The following KCNQ3 variants were observed in gnomAD, a reference collection of about 807,000 sequenced individuals.
KCNQ3 encodes potassium voltage-gated channel subfamily KQT member 3.
In KCNQ3, 30 loss-of-function variants were observed where a neutral mutation model predicts 92.5. That is an observed-to-expected ratio of 0.32 (90% CI 0.24 to 0.44). KCNQ3 has a LOEUF of 0.44. KCNQ3 is among the 20% of genes least tolerant of loss of function. The probability of loss-of-function intolerance (pLI) is 1.00; values close to 1 mark genes in which losing one functional copy is unlikely to be tolerated. For synonymous variants in KCNQ3, 450 were observed against 468.8 expected, an observed-to-expected ratio of 0.96 and a Z score of 0.52; for missense variants, 913 against 1,140.3, an observed-to-expected ratio of 0.80 and a Z score of 2.87.
chr8:132,276,211 C>T (rs778691822), intron 1 of KCNQ3, among the ~76,000 whole-genome samples: 14 of 151,984 alleles, frequency 9.2e-5, no homozygotes, highest in Non-Finnish European at 1.3e-4. Context: ...TTTATTGTAC[C>T]CCCAACGCAG....
chr8:132,187,987 A>G (rs1827055551), intron 1 of KCNQ3, among the ~76,000 whole-genome samples: 1 of 144,908 alleles, frequency 6.9e-6, no homozygotes. Context: ...AACTGTTACT[A>G]CAACCTCCAA....
At chr8:132,357,088 C>A (rs370816054) in intron 1 of KCNQ3, among the ~76,000 whole-genome samples, 1 of 152,122 alleles carries the variant, frequency 6.6e-6, no homozygotes, top group Non-Finnish European at 1.5e-5. Context: ...CAGGGAGGAC[C>A]AAAAACATCT....
intron 1 of KCNQ3, among the ~76,000 whole-genome samples, chr8:132,383,230 G>T (rs2130758134): frequency 6.6e-6 from 1 of 152,356 alleles, no homozygotes; most frequent in South Asian, 2.1e-4. Context: ...GAAGGCACAG[G>T]TTACAGAGGA....
chr8:132,148,232 A>C (rs951390230), intron 9 of KCNQ3, among the ~76,000 whole-genome samples: 1 of 152,100 alleles, frequency 6.6e-6, no homozygotes, highest in African/African-American at 2.4e-5. Context: ...TAAACATTGA[A>C]GAAGATGATG....
intron 9 of KCNQ3, among the ~76,000 whole-genome samples, chr8:132,147,762 T>A (rs1202678541): frequency 1.3e-5 from 2 of 152,210 alleles, no homozygotes; most frequent in African/African-American, 2.4e-5. Context: ...TAATCTGTCT[T>A]GCGCCATTTT....
At chr8:132,219,107 A>C (rs541171183) in intron 1 of KCNQ3, among the ~76,000 whole-genome samples, 15 of 152,328 alleles carry the variant, frequency 9.8e-5, no homozygotes, top group African/African-American at 3.4e-4. Context: ...CAATACCGGC[A>C]AATGGAGCAT....
chr8:132,241,986 G>T (rs751931095), intron 1 of KCNQ3, among the ~76,000 whole-genome samples: 5 of 151,642 alleles, frequency 3.3e-5, no homozygotes, highest in Non-Finnish European at 7.4e-5. Flanking sequence ...GGGCATCTAG[G>T]TAGATCAAGG....
At chr8:132,303,159 T>C (rs72719191) in intron 1 of KCNQ3, among the ~76,000 whole-genome samples, 5 of 152,216 alleles carry the variant, frequency 3.3e-5, no homozygotes, top group Non-Finnish European at 7.4e-5. Context: ...TTTAAACCTA[T>C]AAAGGCAATG....
chr8:132,170,920 G>C (rs569534489), intron 7 of KCNQ3, among the ~76,000 whole-genome samples: 1 of 151,944 alleles, frequency 6.6e-6, no homozygotes, highest in Admixed American at 6.6e-5. Flanking sequence ...CTGGGAGGCT[G>C]AAGTGGGAGG....
At chr8:132,305,141 AAAAC>A (rs1307109068) in intron 1 of KCNQ3, among the ~76,000 whole-genome samples, 1 of 152,246 alleles carries the variant, frequency 6.6e-6, no homozygotes, top group Non-Finnish European at 1.5e-5. Flanking sequence ...AGTGAGAAAT[AAAAC>A]AGTCACCAAT....
intron 1 of KCNQ3, among the ~76,000 whole-genome samples, chr8:132,281,815 G>A (rs970046473): frequency 6.6e-6 from 1 of 152,120 alleles, no homozygotes; most frequent in Non-Finnish European, 1.5e-5. Flanking sequence ...CACTGCCTAC[G>A]GGGTGGAGCC....
At chr8:132,372,766 AAAAAAAC>A (rs1489225050) in intron 1 of KCNQ3, among the ~76,000 whole-genome samples, 1 of 149,378 alleles carries the variant, frequency 6.7e-6, no homozygotes, top group African/African-American at 2.5e-5. Flanking sequence ...TCTCAAAAAA[AAAAAAAC>A]AAAAAAAAAA....
rs1824457440 is a variant in KCNQ3 at position 132,121,174 on chromosome 8, T to G, written c.*8088A>C. ...AGAATTCTATGCCATAAAAAGGGGT[T>G]AAAAAATACAATCCAAAATCAAATA... is the stretch of plus-strand genomic sequence containing the variant. On this transcript the variant is annotated 3_prime_UTR_variant, in exon 15 of 15. Transcript: ENST00000388996. 6.6e-6 allele frequency: 1 copy of G among 152,072 alleles called. No homozygotes were observed. Among genetic ancestry groups the G allele is most frequent in the South Asian group, 2.1e-4 (1 of 4,820 alleles). The allele number at this position is 152,072 out of a possible 1,614,324, so 9.4% of individuals were successfully genotyped here.
rs1006869295 is a variant in KCNQ3, at chr8:132,378,284, T to C, written c.386+101863A>G. ...TGGGTTTGCCTGTAGTCCAAGCTAC[T>C]GGGAGGCTGATGCACGAGAAACACT... On this transcript the variant is annotated intron_variant, in intron 1 of 14. Coordinates refer to ENST00000388996, the MANE Select transcript of KCNQ3 (RefSeq NM_004519.4). Among the ~76,000 whole-genome samples, 7 of 152,032 alleles carry C rather than the reference T, an allele frequency of 4.6e-5. No homozygotes were observed. In the South Asian group the frequency reaches 8.3e-4, roughly 18 times the overall value.
chr8:132,178,523 A>C (rs1826644430), intron 4 of KCNQ3, among the ~76,000 whole-genome samples: 1 of 152,202 alleles, frequency 6.6e-6, no homozygotes, highest in Non-Finnish European at 1.5e-5. Context: ...TTCTCGCATG[A>C]GCACCCAGGA....
rs1268098673 is a variant in KCNQ3 at position 132,122,024 on chromosome 8, C to A, written c.*7238G>T. The A allele has an allele frequency of 2.6e-5, 4 of 152,194 alleles. No individual in the cohort carries two copies. Among genetic ancestry groups the A allele is most frequent in the African/African-American group, 9.7e-5 (4 of 41,438 alleles). The allele number at this position is 152,194 out of a possible 1,614,324, so 9.4% of individuals were successfully genotyped here. ...TCCAGGGAACTCATGGGTCTGTGAT[C>A]ATTTTACTGTAAAGCTGAGTGAACG... On this transcript the variant is annotated 3_prime_UTR_variant, in exon 15 of 15. Coordinates refer to ENST00000388996, the MANE Select transcript of KCNQ3 (RefSeq NM_004519.4).
intron 1 of KCNQ3, among the ~76,000 whole-genome samples, chr8:132,386,994 A>T (rs369156230): frequency 3.0e-4 from 46 of 152,222 alleles, no homozygotes; most frequent in African/African-American, 1.1e-3. Flanking sequence ...TGATTTGATC[A>T]TTACAGAATG....
chr8:132,320,103 G>A (rs1299599510), intron 1 of KCNQ3, among the ~76,000 whole-genome samples: 1 of 152,210 alleles, frequency 6.6e-6, no homozygotes, highest in Non-Finnish European at 1.5e-5. Flanking sequence ...CTGTCAATTT[G>A]GAAAGTAGTT....
intron 1 of KCNQ3, among the ~76,000 whole-genome samples, chr8:132,461,409 A>G (rs1822058468): frequency 6.6e-6 from 1 of 152,150 alleles, no homozygotes; most frequent in South Asian, 2.1e-4. Flanking sequence ...ACTAAAAAAT[A>G]CAAAAACTAG....
Sources: gnomAD v4.1 joint callset for allele counts (sites outside exome capture counted in the v4.1 genomes callset) on GRCh38, gnomAD v4.1.1 for gene constraint, MANE v1.5 for transcripts, NCBI Gene and HGNC (gene_info 2026-07-23, HGNC 2026-07-21) for gene names.